MLLT10: variants seen among roughly 807,000 people sequenced by gnomAD.
MLLT10 encodes protein AF-10.
Under a neutral mutation model 129.1 loss-of-function variants are expected in MLLT10, and 30 were observed. The ratio of observed to expected loss-of-function variants is 0.23; its 90% CI spans 0.17 to 0.32. The LOEUF (loss-of-function observed/expected upper bound fraction) is 0.32. Among genes scored for constraint, MLLT10 ranks in the 10% least tolerant of loss-of-function variants. The pLI is 1.00. For missense variants in MLLT10, 1,119 were observed against 1,268.3 expected (o/e 0.88, Z 1.79); for synonymous variants, 490 against 446.4 (o/e 1.10, Z -1.23).
At chr10:21,642,398 T>C (rs1375664697) in intron 8 of MLLT10, among the ~76,000 whole-genome samples, 2 of 151,640 alleles carry the variant, frequency 1.3e-5, no homozygotes, top group Non-Finnish European at 2.9e-5. Context: ...GGCTCATGCC[T>C]CTAATCCCAG....
At chr10:21,626,504 T>C (rs2046452736) in intron 8 of MLLT10, among the ~76,000 whole-genome samples, 2 of 152,296 alleles carry the variant, frequency 1.3e-5, no homozygotes, top group East Asian at 3.9e-4. Context: ...CCCAGCCTCA[T>C]GAAAGCTGCA....
intron 3 of MLLT10, chr10:21,557,283 C>T: frequency 3.1e-6 from 2 of 654,620 alleles, no homozygotes; most frequent in South Asian, 5.1e-5. Context: ...TTTGATATAA[C>T]ACTTTCATCA....
intron 4 of MLLT10, among the ~76,000 whole-genome samples, chr10:21,591,337 AGTTTT>A (rs1382401653): frequency 6.6e-6 from 1 of 152,120 alleles, no homozygotes; most frequent in East Asian, 1.9e-4. Context: ...CTATGTCTCA[AGTTTT>A]GATAAATTTC....
At chr10:21,674,487 T>A (rs1404867379) in intron 11 of MLLT10, among the ~76,000 whole-genome samples, 4 of 152,212 alleles carry the variant, frequency 2.6e-5, no homozygotes, top group Non-Finnish European at 5.9e-5. Context: ...TTAATTGTGT[T>A]TTCAAATATA....
rs577151744 is a variant in MLLT10 at position 21,534,447 on chromosome 10, A to G, written c.-74A>G. 6 of 346,146 alleles carry G rather than the reference A, an allele frequency of 1.7e-5. No homozygotes were observed. The highest frequency in any genetic ancestry group is 3.6e-5 in the South Asian group (1 of 27,988). The allele number at this position is 346,146 out of a possible 1,614,324, so 21.4% of individuals were successfully genotyped here. A position where few individuals can be genotyped will look rare whatever the true frequency, so the allele number is the denominator to read the frequency against. On this transcript the variant is annotated 5_prime_UTR_variant, in exon 1 of 23. Coordinates refer to ENST00000307729, the MANE Select transcript of MLLT10 (RefSeq NM_001195626.3). The stretch of plus-strand genomic sequence containing the variant: ...GGAGGCGGAGGAGGCGGTGGAGGGG[A>G]GGTGGGGGGAATCAGCAAGGACATG...
chr10:21,725,407 A>G (rs533978799), intron 14 of MLLT10, among the ~76,000 whole-genome samples: 1 of 152,020 alleles, frequency 6.6e-6, no homozygotes, highest in South Asian at 2.1e-4. Context: ...CCAACGTGCC[A>G]GTTCTTCTTT....
chr10:21,625,892 A>G (rs2046381373), intron 8 of MLLT10: 2 of 781,864 alleles, frequency 2.6e-6, no homozygotes, highest in South Asian at 2.7e-5. Flanking sequence ...CTTCTCAAAA[A>G]GGGGCACCAA....
rs2046813361 is a variant in MLLT10, at chr10:21,629,558, G to C, written c.699+12351G>C. Among the ~76,000 whole-genome samples the C allele has an allele frequency of 1.3e-5, 2 of 152,184 alleles. 1 individual carries two copies. The highest frequency in any genetic ancestry group is 4.1e-4 in the South Asian group (2 of 4,830). On this transcript the variant is annotated intron_variant, in intron 8 of 22. Coordinates refer to ENST00000307729, the MANE Select transcript of MLLT10 (RefSeq NM_001195626.3). ...CCCACAAGTTTTAGCATTCACTGAT[G>C]AGTCTAGCCTGAAATAAATAATAGT...
At chr10:21,646,597 A>G (rs1411100999) in intron 8 of MLLT10, among the ~76,000 whole-genome samples, 1 of 151,978 alleles carries the variant, frequency 6.6e-6, no homozygotes, top group African/African-American at 2.4e-5. Context: ...TCACACGGCT[A>G]TTTTAAGGAT....
chr10:21,717,897 C>CCTTCTCCTCCTCCTT (rs1564712477), intron 14 of MLLT10, among the ~76,000 whole-genome samples: 1 of 145,704 alleles, frequency 6.9e-6, no homozygotes, highest in Non-Finnish European at 1.5e-5. Context: ...TTCTCCTCCT[C>CCTTCTCCTCCTCCTT]CTCCTCCTCC....
At chr10:21,594,099 T>G (rs531466732) in intron 4 of MLLT10, among the ~76,000 whole-genome samples, 1 of 152,024 alleles carries the variant, frequency 6.6e-6, no homozygotes, top group South Asian at 2.1e-4. Context: ...AGAGGCCTGG[T>G]GTAGTCTCTT....
At chr10:21,625,952 C>A in intron 8 of MLLT10, 1 of 814,416 alleles carries the variant, frequency 1.2e-6, no homozygotes. Flanking sequence ...CACCTCTGTT[C>A]CAATTCTAGG....
intron 13 of MLLT10, among the ~76,000 whole-genome samples, chr10:21,684,271 A>C (rs541987888): frequency 6.6e-6 from 1 of 152,212 alleles, no homozygotes; most frequent in East Asian, 1.9e-4. Flanking sequence ...TGACTCTCTT[A>C]TGTACTCACT....
At chr10:21,637,902 C>T (rs1192389081) in intron 8 of MLLT10, among the ~76,000 whole-genome samples, 1 of 152,162 alleles carries the variant, frequency 6.6e-6, no homozygotes. Flanking sequence ...CTCTTACTAG[C>T]CTTTTTTCAC....
intron 21 of MLLT10, among the ~76,000 whole-genome samples, chr10:21,736,287 A>AT (rs1468848780): frequency 1.3e-5 from 2 of 152,136 alleles, no homozygotes; most frequent in East Asian, 3.9e-4. Context: ...ATTGTGGTAT[A>AT]TATATGTATA....
chr10:21,691,770 G>A (rs560161725), intron 13 of MLLT10, among the ~76,000 whole-genome samples: 2 of 152,118 alleles, frequency 1.3e-5, no homozygotes, highest in East Asian at 1.9e-4. Flanking sequence ...CAGTAAAGGG[G>A]TAATAACGCA....
At chr10:21,542,126 G>A (rs1349081029) in intron 3 of MLLT10, among the ~76,000 whole-genome samples, 1 of 152,184 alleles carries the variant, frequency 6.6e-6, no homozygotes, top group African/African-American at 2.4e-5. Context: ...GGAAAATAAG[G>A]TGGGTATTCA....
chr10:21,547,403 C>CTTT (rs756393852), intron 3 of MLLT10, among the ~76,000 whole-genome samples: 1 of 119,288 alleles, frequency 8.4e-6, no homozygotes, highest in African/African-American at 2.9e-5. Flanking sequence ...CTGCTGTTTT[C>CTTT]TTTTTTTTTT....
intron 7 of MLLT10, among the ~76,000 whole-genome samples, chr10:21,616,770 T>C (rs956467332): frequency 3.3e-5 from 5 of 152,056 alleles, no homozygotes; most frequent in South Asian, 2.1e-4. Flanking sequence ...CTTCTAGTCT[T>C]GGCACCCTTT....
Sources: gnomAD v4.1 joint callset for allele counts (sites outside exome capture counted in the v4.1 genomes callset) on GRCh38, gnomAD v4.1.1 for gene constraint, MANE v1.5 for transcripts, NCBI Gene and HGNC (gene_info 2026-07-23, HGNC 2026-07-21) for gene names.